The following MTFR1 variants were observed in gnomAD, a reference collection of about 807,000 sequenced individuals.
MTFR1 encodes the protein chondrocyte protein with a poly-proline region.
Under a neutral mutation model 38.8 loss-of-function variants are expected in MTFR1, and 28 were observed. The ratio of observed to expected loss-of-function variants is 0.72; its 90% CI spans 0.53 to 0.99. The LOEUF (loss-of-function observed/expected upper bound fraction) is 0.99, where lower values mean the gene tolerates loss of function less well. Among genes scored for constraint, MTFR1 ranks in the 50% least tolerant of loss-of-function variants. The probability of loss-of-function intolerance (pLI) is 0.00; values close to 1 mark genes in which losing one functional copy is unlikely to be tolerated. For missense variants in MTFR1, 358 were observed against 395.5 expected (o/e 0.91, Z 0.81); for synonymous variants, 145 against 137.0 (o/e 1.06, Z -0.41).
At chr8:65,764,124 C>G (rs937670542) in intron 3 of MTFR1, among the ~76,000 whole-genome samples, 15 of 152,138 alleles carry the variant, frequency 9.9e-5, no homozygotes, top group African/African-American at 3.6e-4. Flanking sequence ...TCTCTACAAG[C>G]ACCACTTTGT....
chr8:65,711,472 C>T (rs986120117), downstream of MTFR1, among the ~76,000 whole-genome samples: 3 of 152,170 alleles, frequency 2.0e-5, no homozygotes, highest in African/African-American at 4.8e-5. Flanking sequence ...TTCAGGAGTT[C>T]GCCCAACAAA....
intron 4 of MTFR1, among the ~76,000 whole-genome samples, chr8:65,703,871 A>C (rs568400931): frequency 1.3e-5 from 2 of 152,236 alleles, no homozygotes; most frequent in Admixed American, 1.3e-4. Flanking sequence ...CTCTGTTCTT[A>C]AGGATAGCAA....
chr8:65,767,984 G>A lies in MTFR1; in HGVS notation c.*49-2963G>A, dbSNP rs535841197. On this transcript the variant is annotated intron_variant, in intron 3 of 3. Transcript: ENST00000521247. ...CTGGGTTTTGGGGGCTGGGAGGCAG[G>A]TTTAGGAACTGAGCCCTTAACCTGT... Among the ~76,000 whole-genome samples the A allele has an allele frequency of 2.1e-3, 315 of 152,256 alleles. 2 individuals carry two copies. Among genetic ancestry groups the A allele is most frequent in the Middle Eastern group, 0.01 (3 of 294 alleles).
chr8:65,748,701 T>C (rs1194830811), intron 3 of MTFR1, among the ~76,000 whole-genome samples: 1 of 152,226 alleles, frequency 6.6e-6, no homozygotes, highest in Non-Finnish European at 1.5e-5. Flanking sequence ...ACATATTCTC[T>C]CTTGCATATC....
chr8:65,674,114 G>A (rs2129051987), intron 2 of MTFR1, among the ~76,000 whole-genome samples: 1 of 152,132 alleles, frequency 6.6e-6, no homozygotes, highest in East Asian at 2.0e-4. Context: ...TGTATCTTTA[G>A]TAGGGATGGG....
chr8:65,715,952 G>A (rs1175571179), intron 2 of MTFR1, among the ~76,000 whole-genome samples: 8 of 138,080 alleles, frequency 5.8e-5, no homozygotes, highest in South Asian at 4.8e-4. Flanking sequence ...AGCCAATATC[G>A]CGGCACTGCA....
chr8:65,684,001 A>G (rs1804989605), intron 3 of MTFR1, among the ~76,000 whole-genome samples: 1 of 152,132 alleles, frequency 6.6e-6, no homozygotes, highest in Non-Finnish European at 1.5e-5. Context: ...AATTCCATCA[A>G]TGTCTTTCTG....
chr8:65,730,902 G>A (rs544627174), intron 3 of MTFR1, among the ~76,000 whole-genome samples: 172 of 152,240 alleles, frequency 1.1e-3, no homozygotes, highest in African/African-American at 3.6e-3. Flanking sequence ...CAGCCTGGGC[G>A]ACAGAGTGAG....
At chr8:65,666,601 A>C (rs1181787685) in intron 1 of MTFR1, among the ~76,000 whole-genome samples, 1 of 152,158 alleles carries the variant, frequency 6.6e-6, no homozygotes, top group Non-Finnish European at 1.5e-5. Flanking sequence ...GCCCCTCTAC[A>C]AATAGAAGAT....
At chr8:65,651,041 T>C (rs142702011) in intron 1 of MTFR1, among the ~76,000 whole-genome samples, 1 of 152,340 alleles carries the variant, frequency 6.6e-6, no homozygotes, top group African/African-American at 2.4e-5. Context: ...TTTGCATTTC[T>C]CTGATGATTG....
At chr8:65,664,610 G>GTTTT (rs766902728) in intron 1 of MTFR1, among the ~76,000 whole-genome samples, 3 of 129,784 alleles carry the variant, frequency 2.3e-5, no homozygotes, top group African/African-American at 5.6e-5. Context: ...GTTTTCCTTT[G>GTTTT]TTTTTTTTTT....
chr8:65,743,974 A>G (rs1807555401), intron 3 of MTFR1, among the ~76,000 whole-genome samples: 1 of 152,140 alleles, frequency 6.6e-6, no homozygotes, highest in Non-Finnish European at 1.5e-5. Flanking sequence ...CTAGGATTAG[A>G]GACATGAACC....
At chr8:65,651,415 C>T (rs1457429924) in intron 1 of MTFR1, among the ~76,000 whole-genome samples, 2 of 152,126 alleles carry the variant, frequency 1.3e-5, no homozygotes, top group South Asian at 2.1e-4. Context: ...TGTTTTCTTG[C>T]AGTAGTTTCA....
At chr8:65,664,746 A>G (rs1804326021) in intron 1 of MTFR1, among the ~76,000 whole-genome samples, 1 of 145,088 alleles carries the variant, frequency 6.9e-6, no homozygotes, top group Non-Finnish European at 1.5e-5. Context: ...ACAGGCACAC[A>G]CTACCATACC....
At chr8:65,678,682 C>T (rs1186432962) in intron 2 of MTFR1, among the ~76,000 whole-genome samples, 1 of 152,104 alleles carries the variant, frequency 6.6e-6, no homozygotes, top group African/African-American at 2.4e-5. Flanking sequence ...GATTAGATCA[C>T]CTGAGGTCAG....
intron 6 of MTFR1, 140 bp from the exon 7 acceptor site, chr8:65,707,703 A>G (rs912441435): frequency 1.0e-5 from 11 of 1,069,732 alleles, no homozygotes; most frequent in Admixed American, 2.9e-5. Flanking sequence ...TTCCATCTCA[A>G]TGCTAGCAGT....
intron 2 of MTFR1, among the ~76,000 whole-genome samples, chr8:65,674,176 A>C (rs1378939576): frequency 1.3e-5 from 2 of 152,038 alleles, no homozygotes; most frequent in Non-Finnish European, 2.9e-5. Context: ...CAGGTGATCC[A>C]CCCACGTTGG....
chr8:65,647,823 C>A lies in MTFR1; in HGVS notation c.-81+3039C>A, dbSNP rs183783254. Among the ~76,000 whole-genome samples the A allele has an allele frequency of 4.5e-4, 69 of 151,894 alleles. 1 individual carries two copies. The highest frequency in any genetic ancestry group is 3.3e-3 in the Admixed American group (50 of 15,264). ...ATAAGCAACAAAAAAAAAAATGACA[C>A]TATAATCCTACCCTTTAAAGATAAC... is the stretch of plus-strand genomic sequence containing the variant. On this transcript the variant is annotated intron_variant, in intron 1 of 7. Transcript: ENST00000262146.
At chr8:65,734,078 A>C (rs187537620) in intron 3 of MTFR1, among the ~76,000 whole-genome samples, 1 of 152,306 alleles carries the variant, frequency 6.6e-6, no homozygotes, top group African/African-American at 2.4e-5. Context: ...ACTCTATACT[A>C]GACCTCTATA....
Sources: allele counts gnomAD v4.1 joint callset (sites outside exome capture counted in the v4.1 genomes callset), GRCh38; gene constraint gnomAD v4.1.1; transcripts MANE v1.5; gene names NCBI Gene and HGNC (gene_info 2026-07-23, HGNC 2026-07-21).